The following ZBTB20 variants were observed in gnomAD, a reference collection of about 807,000 sequenced individuals.
The protein encoded by ZBTB20 is zinc finger and BTB domain containing 20.
ZBTB20 carries 9 observed loss-of-function variants against 56.9 expected under a neutral mutation model. The observed-to-expected ratio is 0.16, with a 90% CI of 0.10 to 0.28. ZBTB20 has a LOEUF of 0.28. Among genes scored for constraint, ZBTB20 ranks in the 10% least tolerant of loss-of-function variants. The pLI is 1.00. For missense variants in ZBTB20, 655 were observed against 1,003.0 expected, an observed-to-expected ratio of 0.65 and a Z score of 4.69; for synonymous variants, 417 against 420.7, an observed-to-expected ratio of 0.99 and a Z score of 0.11.
chr3:114,916,030 G>A (rs748910682), intron 3 of ZBTB20, among the ~76,000 whole-genome samples: 6 of 152,040 alleles, frequency 3.9e-5, no homozygotes, highest in African/African-American at 4.8e-5. Flanking sequence ...TTTTGCAGCC[G>A]TTGGATGAAA....
intron 6 of ZBTB20, among the ~76,000 whole-genome samples, chr3:114,607,372 G>A (rs1278500568): frequency 6.7e-6 from 1 of 149,064 alleles, no homozygotes; most frequent in Non-Finnish European, 1.5e-5. Context: ...GCATGATCTC[G>A]GCTCACTGCA....
At chr3:114,395,705 T>G (rs1326068971) in intron 7 of ZBTB20, among the ~76,000 whole-genome samples, 7 of 152,132 alleles carry the variant, frequency 4.6e-5, no homozygotes, top group African/African-American at 1.7e-4. Context: ...ACTATTTTAC[T>G]TTTTAGGTTT....
intron 5 of ZBTB20, among the ~76,000 whole-genome samples, chr3:114,694,733 A>G (rs10511337): frequency 0.017 from 2,650 of 152,188 alleles, 44 homozygotes; most frequent in Non-Finnish European, 0.026. Context: ...CTTAATGAGG[A>G]TCACCAAAGT....
chr3:115,003,822 A>G (rs1002320367), intron 2 of ZBTB20, among the ~76,000 whole-genome samples: 1 of 151,686 alleles, frequency 6.6e-6, no homozygotes, highest in Non-Finnish European at 1.5e-5. Context: ...TACTGTGAAC[A>G]ATCAGGTGGT....
rs1268146455 is a variant in ZBTB20, at chr3:114,671,683, T to TA, written c.-295+21844dup. On this transcript the variant is annotated intron_variant, in intron 6 of 11. Coordinates refer to ENST00000675478, the MANE Select transcript of ZBTB20 (RefSeq NM_001348800.3). ...CAGTGACTGGGAATAACCAGAGTGT[T>TA]AAAAAAAAGATGAAAAATTCAGAGG... Among the ~76,000 whole-genome samples, 10 of 151,378 alleles carry TA rather than the reference T, an allele frequency of 6.6e-5. No individual in the cohort carries two copies. The South Asian group carries it at 1.3e-3, about 19-fold the overall frequency.
chr3:114,477,929 GTC>G (rs66520481), intron 7 of ZBTB20, among the ~76,000 whole-genome samples: 2 of 121,794 alleles, frequency 1.6e-5, no homozygotes, highest in African/African-American at 6.5e-5. Context: ...TTCTTTCTCT[GTC>G]TCTCTCTCTC....
intron 2 of ZBTB20, among the ~76,000 whole-genome samples, chr3:115,049,943 T>C (rs2081481288): frequency 6.6e-6 from 1 of 152,106 alleles, no homozygotes; most frequent in Admixed American, 6.5e-5. Context: ...ATTGCAAATG[T>C]TAGCTGCTGA....
At chr3:114,848,601 T>C (rs1470199646) in intron 4 of ZBTB20, among the ~76,000 whole-genome samples, 1 of 152,174 alleles carries the variant, frequency 6.6e-6, no homozygotes, top group Non-Finnish European at 1.5e-5. Flanking sequence ...CTACATGTAG[T>C]TGTTTTTTCC....
intron 5 of ZBTB20, among the ~76,000 whole-genome samples, chr3:114,784,686 T>C (rs988298304): frequency 3.3e-5 from 5 of 152,192 alleles, no homozygotes; most frequent in African/African-American, 1.2e-4. Context: ...TGTAAAGTTA[T>C]TGAAAAGAAG....
chr3:115,049,837 C>T (rs1194999092), intron 2 of ZBTB20, among the ~76,000 whole-genome samples: 1 of 152,042 alleles, frequency 6.6e-6, no homozygotes, highest in East Asian at 1.9e-4. Flanking sequence ...ACTGGTTTGT[C>T]ATGGCTTTAG....
intron 1 of ZBTB20, among the ~76,000 whole-genome samples, chr3:115,116,990 A>C (rs2084038627): frequency 6.6e-6 from 1 of 152,092 alleles, no homozygotes; most frequent in South Asian, 2.1e-4. Context: ...TATCTGTAAA[A>C]ATTACAGCAA....
chr3:114,586,847 G>A (rs1045458030), intron 6 of ZBTB20, among the ~76,000 whole-genome samples: 13 of 151,540 alleles, frequency 8.6e-5, no homozygotes, highest in African/African-American at 3.2e-4. Flanking sequence ...ATGGTCTCAG[G>A]GTCAATATTA....
At chr3:115,006,805 A>G (rs963387945) in intron 2 of ZBTB20, among the ~76,000 whole-genome samples, 7 of 151,858 alleles carry the variant, frequency 4.6e-5, no homozygotes, top group South Asian at 2.1e-4. Flanking sequence ...TAATAGCCTA[A>G]TATTTGTTTA....
intron 3 of ZBTB20, among the ~76,000 whole-genome samples, chr3:114,901,141 A>T (rs1242618775): frequency 6.6e-6 from 1 of 152,086 alleles, no homozygotes; most frequent in Non-Finnish European, 1.5e-5. Flanking sequence ...GTGGTGGCTC[A>T]CGCCTGTAAT....
intron 2 of ZBTB20, among the ~76,000 whole-genome samples, chr3:115,043,286 TG>T (rs1258480876): frequency 3.9e-5 from 6 of 151,980 alleles, no homozygotes; most frequent in Non-Finnish European, 8.8e-5. Context: ...AGGCCAGGCA[TG>T]GTGGCTCACA....
chr3:114,425,902 T>A (rs1270879772), intron 7 of ZBTB20, among the ~76,000 whole-genome samples: 1 of 152,208 alleles, frequency 6.6e-6, no homozygotes, highest in Non-Finnish European at 1.5e-5. Context: ...CTGCTAAACG[T>A]TCACATTTTA....
intron 7 of ZBTB20, among the ~76,000 whole-genome samples, chr3:114,473,534 G>A (rs1215674008): frequency 2.0e-5 from 3 of 152,160 alleles, no homozygotes; most frequent in African/African-American, 7.2e-5. Flanking sequence ...CACATAGAGA[G>A]GTTTCAGATT....
intron 5 of ZBTB20, among the ~76,000 whole-genome samples, chr3:114,718,816 T>C (rs2064696827): frequency 6.6e-6 from 1 of 151,988 alleles, no homozygotes; most frequent in Non-Finnish European, 1.5e-5. Flanking sequence ...TAACCAAGGT[T>C]TTTCTTTTAT....
chr3:114,935,889 C>T (rs1015305186), intron 3 of ZBTB20, among the ~76,000 whole-genome samples: 1 of 152,110 alleles, frequency 6.6e-6, no homozygotes, highest in African/African-American at 2.4e-5. Context: ...TACTCTTCTA[C>T]ACTCTAAATG....
Sources: allele counts gnomAD v4.1 joint callset (sites outside exome capture counted in the v4.1 genomes callset), GRCh38; gene constraint gnomAD v4.1.1; transcripts MANE v1.5; gene names NCBI Gene and HGNC (gene_info 2026-07-23, HGNC 2026-07-21).